Variants in SLC39A3 observed in about 807,000 individuals in gnomAD.
SLC39A3 encodes zinc transporter ZIP3.
In SLC39A3, 3 loss-of-function variants were observed where a neutral mutation model predicts 5.1. The ratio of observed to expected loss-of-function variants is 0.59; its 90% CI spans 0.27 to 1.54. The LOEUF (loss-of-function observed/expected upper bound fraction) is 1.54. SLC39A3 is among the 40% of genes most tolerant of loss of function. The pLI, the probability that SLC39A3 is intolerant of heterozygous loss-of-function variation, is 0.12. For missense variants in SLC39A3, 412 were observed against 436.4 expected (o/e 0.94, Z 0.50); for synonymous variants, 250 against 218.8 (o/e 1.14, Z -1.26).
chr19:2,739,659 A>C (rs561675951), intron 1 of SLC39A3, among the ~76,000 whole-genome samples: 1 of 152,132 alleles, frequency 6.6e-6, no homozygotes, highest in Non-Finnish European at 1.5e-5. Flanking sequence ...ACCCAGGCAC[A>C]CAGTAGGCGC....
At chr19:2,738,533 C>G (rs1238019015) in intron 1 of SLC39A3, among the ~76,000 whole-genome samples, 1 of 152,162 alleles carries the variant, frequency 6.6e-6, no homozygotes, top group Non-Finnish European at 1.5e-5. Flanking sequence ...CTCTCTCCAC[C>G]TGGAACACTG....
chr19:2,737,444 T>A, intron 1 of SLC39A3, 65 bp from the exon 2 acceptor site: 1 of 1,134,078 alleles, frequency 8.8e-7, no homozygotes, highest in Non-Finnish European at 1.2e-6. Context: ...TTAGACAGAG[T>A]CTCGCTCTGT....
Position 2,735,253 on chromosome 19 carries a change from C to T in SLC39A3, c.211-1768G>A, listed in dbSNP as rs1185506944. The T allele has an allele frequency of 9.2e-6, 9 of 982,568 alleles. No individual in the cohort carries two copies. Among genetic ancestry groups the T allele is most frequent in the African/African-American group, 5.2e-5 (3 of 57,190 alleles). The allele number at this position is 982,568 out of a possible 1,614,324, so 60.9% of individuals were successfully genotyped here. A position where few individuals can be genotyped will look rare whatever the true frequency, so the allele number is the denominator to read the frequency against. On this transcript the variant is annotated intron_variant, in intron 2 of 2. Coordinates refer to ENST00000269740, the MANE Select transcript of SLC39A3 (RefSeq NM_144564.5). The surrounding 1 kb of genome is among the most constrained non-coding windows in gnomAD (Gnocchi z 5.7). Reference sequence around the variant, plus strand: ...AGTGCAGATGTCAGTCTTCACACACCGCGTAACGAACGAATGCAGACTCAG... The same window carrying T: ...AGTGCAGATGTCAGTCTTCACACACTGCGTAACGAACGAATGCAGACTCAG...
rs375832526 is a variant in SLC39A3, at chr19:2,735,712, G to A, written c.210+1336C>T. On this transcript the variant is annotated intron_variant, in intron 2 of 2. Coordinates refer to ENST00000269740, the MANE Select transcript of SLC39A3 (RefSeq NM_144564.5). The surrounding 1 kb of genome is among the most constrained non-coding windows in gnomAD (Gnocchi z 5.7). ...CCTCTGCTGGGATTCTGACATAATG[G>A]CAGGAGTGACACGCACGGCAGTCCC... 1 of 408,316 alleles carries A rather than the reference G, an allele frequency of 2.4e-6. No individual in the cohort carries two copies. The allele number at this position is 408,316 out of a possible 1,614,324, so 25.3% of individuals were successfully genotyped here.
intron 1 of SLC39A3, chr19:2,739,575 TC>T (rs1195413512): frequency 6.6e-6 from 1 of 151,870 alleles, no homozygotes; most frequent in Non-Finnish European, 1.5e-5. Flanking sequence ...AAGTCGTCCC[TC>T]CCCCCCGGCG....
chr19:2,737,145 T>C lies in SLC39A3; in HGVS notation c.113A>G (p.His38Arg), dbSNP rs762016659. Residue 38 changes from histidine (H) to arginine (R), a missense_variant, in exon 2 of 3, where the codon CAT (histidine) becomes CGT (arginine). By Grantham distance (29) the His-to-Arg change is conservative. Transcript: ENST00000269740. ...GAGAGAGAGGATCTTTTTCGAGCGATGGGCCTTCTCAAAATCTGTCTCGAT... is the reference window on the plus strand; with the variant it reads ...GAGAGAGAGGATCTTTTTCGAGCGACGGGCCTTCTCAAAATCTGTCTCGAT... ...KIIETDFEKAHRSKKILSLCN... is the reference protein window; with the variant it reads ...KIIETDFEKARRSKKILSLCN... 5.0e-6 allele frequency: 8 copies of C among 1,614,060 alleles called. No individual in the cohort carries two copies. The highest frequency in any genetic ancestry group is 2.2e-5 in the South Asian group (2 of 91,082).
At chr19:2,737,837 A>G (rs1204712706) in intron 1 of SLC39A3, 1 of 152,746 alleles carries the variant, frequency 6.5e-6, no homozygotes, top group Non-Finnish European at 1.5e-5. Flanking sequence ...CTATTCCATT[A>G]GTTCTGTCCC....
chr19:2,736,591 G>C (rs1008704487), intron 2 of SLC39A3: 2 of 487,098 alleles, frequency 4.1e-6, no homozygotes, highest in Admixed American at 4.8e-5. Context: ...AGGAGACACT[G>C]TGACTGCTGC....
At position 2,733,188 on chromosome 19, in the gene SLC39A3, G is replaced by A. The variant is rs1329776962; in HGVS notation, c.508C>T (p.Leu170=). The part of the protein sequence containing the change: ...QGLSRASPVR[L]LSLAFALSAH... ...GACAGCGCGAAGGCCAGGCTGAGCA[G>A]GCGCACGGGGCTGGCGCGCGAGAGG... Residue 170 remains leucine (L), a synonymous_variant, in exon 3 of 3, where the codon CTG becomes TTG. Transcript: ENST00000269740. The surrounding 1 kb of genome is among the most constrained non-coding windows in gnomAD (Gnocchi z 6.1). The A allele has an allele frequency of 6.2e-7, 1 of 1,607,924 alleles. No homozygotes were observed. The highest frequency in any genetic ancestry group is 8.5e-7 in the Non-Finnish European group (1 of 1,177,594).
chr19:2,737,466 A>G, intron 1 of SLC39A3, 87 bp from the exon 2 acceptor site: 4 of 919,602 alleles, frequency 4.3e-6, no homozygotes, highest in Non-Finnish European at 6.2e-6. Flanking sequence ...GCCAGGCTGG[A>G]GTGCAATGGT....
chr19:2,735,109 C>T lies in SLC39A3; in HGVS notation c.211-1624G>A. The T allele has an allele frequency of 2.0e-6, 2 of 985,278 alleles. No individual in the cohort carries two copies. Among genetic ancestry groups the T allele is most frequent in the African/African-American group, 1.7e-5 (1 of 57,280 alleles). 61.0% of individuals were successfully genotyped at this position (985,278 alleles called of 1,614,324 possible). ...GGGAAGAGCAAGCTCCCCGCAGTCG[C>T]CCAGGCCTGCAGTCAGAGGGTGACG... On this transcript the variant is annotated intron_variant, in intron 2 of 2. Transcript: ENST00000269740. The surrounding 1 kb of genome is among the most constrained non-coding windows in gnomAD (Gnocchi z 5.7).
In SLC39A3 at chr19:2,732,858, C is replaced by T; in HGVS notation, c.838G>A (p.Glu280Lys). The T allele has an allele frequency of 6.2e-7, 1 of 1,612,064 alleles. No individual in the cohort carries two copies. The highest frequency in any genetic ancestry group is 1.1e-5 in the South Asian group (1 of 91,038). ...TCCTCCAGCTCCTTGGCCAGGATCT[C>T]CAGGAAGGTGATGAAGAGGAAGGTG... ...GGTFLFITFL[E>K]ILAKELEEKS... is the part of the protein sequence containing the mutation. The change falls in exon 3 of 3, where the codon GAG (glutamate) becomes AAG (lysine). Residue 280 changes from glutamate (E) to lysine (K), a missense_variant. By Grantham distance (56) the Glu-to-Lys change is moderately conservative (BLOSUM62 1). Coordinates refer to ENST00000269740, the MANE Select transcript of SLC39A3 (RefSeq NM_144564.5).
Position 2,732,555 on chromosome 19 carries a change from T to C in SLC39A3, c.*196A>G. ...AAAGACTTTTAAGAGAAAGAAGTAT[T>C]TTAAAAAGTAGCAGTGCTCTGAGGC... On this transcript the variant is annotated 3_prime_UTR_variant, in exon 3 of 3. Transcript: ENST00000269740. 1.4e-6 allele frequency: 2 copies of C among 1,426,788 alleles called. No individual in the cohort carries two copies. Among genetic ancestry groups the C allele is most frequent in the Non-Finnish European group, 1.8e-6 (2 of 1,094,998 alleles). The allele number at this position is 1,426,788 out of a possible 1,614,324, so 88.4% of individuals were successfully genotyped here. A position where few individuals can be genotyped will look rare whatever the true frequency, so the allele number is the denominator to read the frequency against.
chr19:2,732,571 G>A lies in SLC39A3; in HGVS notation c.*180C>T. 7.0e-7 allele frequency: 1 copy of A among 1,427,982 alleles called. No individual in the cohort carries two copies. Among genetic ancestry groups the A allele is most frequent in the Non-Finnish European group, 9.1e-7 (1 of 1,095,772 alleles). 88.5% of individuals were successfully genotyped at this position (1,427,982 alleles called of 1,614,324 possible). A position where few individuals can be genotyped will look rare whatever the true frequency, so the allele number is the denominator to read the frequency against. ...AAGAAGTATTTTAAAAAGTAGCAGT[G>A]CTCTGAGGCTCAGGGTGTAGGATCG... On this transcript the variant is annotated 3_prime_UTR_variant, in exon 3 of 3. Transcript: ENST00000269740.
intron 1 of SLC39A3, 106 bp from the exon 2 acceptor site, chr19:2,737,485 C>T (rs986265453): frequency 3.9e-5 from 27 of 684,164 alleles, no homozygotes; most frequent in Admixed American, 1.0e-4. Flanking sequence ...GTGCAATCTC[C>T]GCTCACTGCA....
At position 2,736,472 on chromosome 19, in the gene SLC39A3, A is replaced by G. The variant is rs760932371; in HGVS notation, c.210+576T>C. ...TGCCCCAGCCAACAGACACTGACAA[A>G]CAGACACCTTCGGTCTGACAACCAA... On this transcript the variant is annotated intron_variant, in intron 2 of 2. Transcript: ENST00000269740. 6 of 182,074 alleles carry G rather than the reference A, an allele frequency of 3.3e-5. No homozygotes were observed. In the Admixed American group the frequency reaches 3.4e-4, roughly 10 times the overall value. The allele number at this position is 182,074 out of a possible 1,614,324, so 11.3% of individuals were successfully genotyped here.
In SLC39A3 at chr19:2,734,556, C is replaced by A; in HGVS notation, c.211-1071G>T. Reference sequence around the variant, plus strand: ...GGAAACATTTTTTATTTTCACAACTCGGGTAGGGGGAAGGTGCTGACATTC... The same window carrying A: ...GGAAACATTTTTTATTTTCACAACTAGGGTAGGGGGAAGGTGCTGACATTC... On this transcript the variant is annotated intron_variant, in intron 2 of 2. Coordinates refer to ENST00000269740, the MANE Select transcript of SLC39A3 (RefSeq NM_144564.5). This position sits in a 1 kb window ranked among gnomAD's most constrained non-coding sequence, Gnocchi z 4.6. The A allele has an allele frequency of 5.6e-6, 1 of 178,606 alleles. No individual in the cohort carries two copies. The highest frequency in any genetic ancestry group is 1.1e-5 in the Non-Finnish European group (1 of 92,056). 11.1% of individuals were successfully genotyped at this position (178,606 alleles called of 1,614,324 possible).
At position 2,736,058 on chromosome 19, in the gene SLC39A3, G is replaced by A; in HGVS notation, c.210+990C>T. On this transcript the variant is annotated intron_variant, in intron 2 of 2. Coordinates refer to ENST00000269740, the MANE Select transcript of SLC39A3 (RefSeq NM_144564.5). ...CAGAGAGAGGAAGCCACTCACCCAG[G>A]GTCACCCAGCAAGCATGGCCAGGGC... The A allele has an allele frequency of 5.1e-6, 5 of 985,490 alleles. No individual in the cohort carries two copies. The South Asian group carries it at 2.3e-4, about 46-fold the overall frequency. 61.0% of individuals were successfully genotyped at this position (985,490 alleles called of 1,614,324 possible).
At chr19:2,737,421 T>TA in intron 1 of SLC39A3, 42 bp from the exon 2 acceptor site, 2 of 1,336,880 alleles carry the variant, frequency 1.5e-6, no homozygotes, top group South Asian at 1.6e-5. Context: ...CTTTCTTTTT[T>TA]CTTTTTTTTT....
Sources: allele counts gnomAD v4.1 joint callset (sites outside exome capture counted in the v4.1 genomes callset), GRCh38; gene constraint gnomAD v4.1.1; non-coding constraint Gnocchi (gnomAD v3.1); transcripts MANE v1.5; gene names NCBI Gene and HGNC (gene_info 2026-07-23, HGNC 2026-07-21).